MCU: variants seen among roughly 807,000 people sequenced by gnomAD.
The protein encoded by MCU is calcium uniporter protein, mitochondrial.
A neutral mutation model predicts 45.2 loss-of-function variants in MCU; 12 were observed. That is an observed-to-expected ratio of 0.27 (90% CI 0.17 to 0.43). The LOEUF is 0.43. Among genes scored for constraint, MCU ranks in the 20% least tolerant of loss-of-function variants. The pLI, the probability that MCU is intolerant of heterozygous loss-of-function variation, is 1.00. For missense variants in MCU, 324 were observed against 436.7 expected (o/e 0.74, Z 2.30); for synonymous variants, 160 against 165.1 (o/e 0.97, Z 0.24).
intron 1 of MCU, among the ~76,000 whole-genome samples, chr10:72,802,295 A>G (rs922817377): frequency 6.6e-6 from 1 of 152,152 alleles, no homozygotes; most frequent in Non-Finnish European, 1.5e-5. Flanking sequence ...TTGATTCAGT[A>G]AAGTATAGAG....
At chr10:72,875,004 G>A (rs7078656) in intron 6 of MCU, among the ~76,000 whole-genome samples, 6,012 of 152,140 alleles carry the variant, frequency 0.04, 386 homozygotes, top group African/African-American at 0.13. Flanking sequence ...AGTAACATAA[G>A]TACATCTATT....
At position 72,692,197 on chromosome 10, in the gene MCU, C is replaced by CGGGGCG. The variant is rs772959871; in HGVS notation, c.48_53dup (p.Gly21_Gly22dup). ...ATCGCTCCTGCTGCTCCTCTCCTCT[C>CGGGGCG]GGGGCGGCGGCGGCGGGGGCGCCGG... On this transcript the variant is annotated inframe_insertion, in exon 1 of 8. Coordinates refer to ENST00000373053, the MANE Select transcript of MCU (RefSeq NM_138357.3). 5.3e-3 allele frequency: 6,765 copies of CGGGGCG among 1,265,704 alleles called. 45 individuals are homozygous for CGGGGCG. Among genetic ancestry groups the CGGGGCG allele is most frequent in the Non-Finnish European group, 5.4e-3 (5,374 of 998,942 alleles). 78.4% of individuals were successfully genotyped at this position (1,265,704 alleles called of 1,614,324 possible).
intron 1 of MCU, among the ~76,000 whole-genome samples, chr10:72,749,611 G>A (rs1447020554): frequency 1.3e-5 from 2 of 152,096 alleles, no homozygotes; most frequent in Non-Finnish European, 2.9e-5. Context: ...AGGGGGTTAG[G>A]ATGGCCATAT....
intron 1 of MCU, among the ~76,000 whole-genome samples, chr10:72,754,617 C>A (rs2132714366): frequency 6.6e-6 from 1 of 152,314 alleles, no homozygotes; most frequent in Non-Finnish European, 1.5e-5. Context: ...CATGTTGGCA[C>A]ACACCTGTGG....
At chr10:72,696,178 A>T (rs1293616878) in intron 1 of MCU, among the ~76,000 whole-genome samples, 1 of 150,096 alleles carries the variant, frequency 6.7e-6, no homozygotes, top group Non-Finnish European at 1.5e-5. Context: ...AAAAAAAAAA[A>T]AAAAAAATTT....
intron 1 of MCU, chr10:72,693,089 G>T (rs1297992855): frequency 3.9e-6 from 6 of 1,535,810 alleles, no homozygotes; most frequent in Non-Finnish European, 5.2e-6. Context: ...CAGAGGCAGA[G>T]ATTTGGTGGT....
chr10:72,838,366 C>A (rs1409945781), intron 2 of MCU, among the ~76,000 whole-genome samples: 2 of 152,122 alleles, frequency 1.3e-5, no homozygotes, highest in Non-Finnish European at 2.9e-5. Flanking sequence ...GTAAACCCAG[C>A]ACTTTGGGAG....
chr10:72,738,380 A>G (rs1245209192), intron 1 of MCU, among the ~76,000 whole-genome samples: 1 of 152,196 alleles, frequency 6.6e-6, no homozygotes, highest in African/African-American at 2.4e-5. Flanking sequence ...TAGCTTTTAG[A>G]TTGAACAAAT....
At chr10:72,787,870 C>G (rs1243145861) in intron 1 of MCU, among the ~76,000 whole-genome samples, 2 of 151,822 alleles carry the variant, frequency 1.3e-5, no homozygotes, top group African/African-American at 4.8e-5. Context: ...AGGTGCGCCA[C>G]CACACCCAGC....
intron 4 of MCU, among the ~76,000 whole-genome samples, chr10:72,866,259 T>C (rs1227551450): frequency 1.3e-5 from 2 of 152,194 alleles, no homozygotes; most frequent in African/African-American, 2.4e-5. Context: ...TTTGAAATTC[T>C]GTATTTAAGA....
intron 1 of MCU, among the ~76,000 whole-genome samples, chr10:72,772,238 A>T (rs147858933): frequency 6.6e-6 from 1 of 152,364 alleles, no homozygotes; most frequent in African/African-American, 2.4e-5. Flanking sequence ...GGTATGTTCC[A>T]TAAGTCCCAT....
At chr10:72,842,933 T>C (rs1181735456) in intron 2 of MCU, among the ~76,000 whole-genome samples, 2 of 151,820 alleles carry the variant, frequency 1.3e-5, no homozygotes, top group South Asian at 2.1e-4. Flanking sequence ...TCAGGAAATG[T>C]TGAGGAAGAA....
chr10:72,709,669 T>C (rs182500560), intron 1 of MCU, among the ~76,000 whole-genome samples: 19 of 152,166 alleles, frequency 1.2e-4, no homozygotes, highest in African/African-American at 4.3e-4. Context: ...AATAGTTTGG[T>C]TTTGTTTATT....
At chr10:72,743,848 A>G (rs1328029704) in intron 1 of MCU, among the ~76,000 whole-genome samples, 2 of 152,154 alleles carry the variant, frequency 1.3e-5, no homozygotes, top group South Asian at 2.1e-4. Context: ...GTATATTTCT[A>G]TATGAAATTC....
rs1845769218 is a variant in MCU at position 72,885,957 on chromosome 10, G to T, written c.*135G>T. On this transcript the variant is annotated 3_prime_UTR_variant, in exon 8 of 8. Coordinates refer to ENST00000373053, the MANE Select transcript of MCU (RefSeq NM_138357.3). ...TTAATTATAAAACAAAAACAGAAAG[G>T]ATCTGAGGGAAGAAGGGAATGTTAA... 5 of 640,094 alleles carry T rather than the reference G, an allele frequency of 7.8e-6. No individual in the cohort carries two copies. In the Admixed American group the frequency reaches 1.4e-4, roughly 18 times the overall value. 39.7% of individuals were successfully genotyped at this position (640,094 alleles called of 1,614,324 possible).
At chr10:72,865,768 T>G (rs916697300) in intron 4 of MCU, among the ~76,000 whole-genome samples, 5 of 149,708 alleles carry the variant, frequency 3.3e-5, no homozygotes, top group Non-Finnish European at 7.4e-5. Flanking sequence ...GTTTTGTTTT[T>G]TTTTTTGTTT....
intron 1 of MCU, among the ~76,000 whole-genome samples, chr10:72,807,343 A>G (rs1844467959): frequency 6.6e-6 from 1 of 151,988 alleles, no homozygotes; most frequent in Admixed American, 6.6e-5. Flanking sequence ...ATGGCTTCCT[A>G]TTGTGCCAAG....
intron 2 of MCU, among the ~76,000 whole-genome samples, chr10:72,847,018 C>A (rs758689707): frequency 1.5e-4 from 23 of 152,224 alleles, no homozygotes; most frequent in Non-Finnish European, 2.9e-4. Context: ...GTCGCCCGGG[C>A]TGGAGTGCAG....
chr10:72,696,584 A>G (rs1842690616), intron 1 of MCU, among the ~76,000 whole-genome samples: 1 of 152,154 alleles, frequency 6.6e-6, no homozygotes, highest in Non-Finnish European at 1.5e-5. Flanking sequence ...TTTAGGACAC[A>G]AATTGACACC....
Sources: allele counts gnomAD v4.1 joint callset (sites outside exome capture counted in the v4.1 genomes callset), GRCh38; gene constraint gnomAD v4.1.1; transcripts MANE v1.5; gene names NCBI Gene and HGNC (gene_info 2026-07-23, HGNC 2026-07-21).